The following DNAH6 variants were observed in gnomAD, a reference collection of about 807,000 sequenced individuals.
DNAH6 encodes the protein axonemal beta dynein heavy chain 6.
In DNAH6, 340 loss-of-function variants were observed where a neutral mutation model predicts 491.4. That is an observed-to-expected ratio of 0.69 (90% CI 0.63 to 0.76). DNAH6 has a LOEUF of 0.76. Ranked by LOEUF, DNAH6 falls within the 30% of genes least tolerant of loss-of-function variation. The pLI is 0.00. For synonymous variants in DNAH6, 1,603 were observed against 1,686.1 expected (o/e 0.95, Z 1.21); for missense variants, 4,443 against 4,972.2 (o/e 0.89, Z 3.20).
rs1199073692 is a variant in DNAH6 at position 84,571,218 on chromosome 2, G to A, written c.1804-2249G>A. Among the ~76,000 whole-genome samples, 5 of 152,112 alleles carry A rather than the reference G, an allele frequency of 3.3e-5. 1 individual carries two copies. The highest frequency in any genetic ancestry group is 1.2e-4 in the African/African-American group (5 of 41,398). On this transcript the variant is annotated intron_variant, in intron 11 of 76. Transcript: ENST00000389394. ...TAAATGTAGAAAGAAAACACAATTA[G>A]AAAATTCACTACAGAAGCCATCAGC...
intron 63 of DNAH6, among the ~76,000 whole-genome samples, chr2:84,756,166 C>G (rs1673997421): frequency 6.6e-6 from 1 of 152,138 alleles, no homozygotes; most frequent in African/African-American, 2.4e-5. Flanking sequence ...AGGAAGTTCT[C>G]TTCTATATTC....
In DNAH6 at chr2:84,727,803, C is replaced by G. The variant is rs1469356570; in HGVS notation, c.10107C>G (p.Ile3369Met). 6.4e-6 allele frequency: 10 copies of G among 1,551,648 alleles called. No individual in the cohort carries two copies. In the Admixed American group the frequency reaches 1.8e-4, roughly 27 times the overall value. ...SRGLFEQHKL[I>M]YSFMLCVEMM... ...GACTTTTTGAGCAACATAAACTCAT[C>G]TACAGCTTTATGCTTTGTGTTGAGA... Residue 3369 changes from isoleucine to methionine, a missense_variant, in exon 61 of 77, where the codon ATC becomes ATG. By Grantham distance (10) the Ile-to-Met change is conservative. Around this residue, in one of 3 missense-constraint regions of DNAH6, gnomAD observed 1,463 missense variants for 1,656.6 expected, o/e 0.88. Coordinates refer to ENST00000389394, the MANE Select transcript of DNAH6 (RefSeq NM_001370.2).
rs1363122706 is a variant in DNAH6, at chr2:84,727,823, T to C, written c.10127T>C (p.Val3376Ala). Residue 3376 changes from valine to alanine, a missense_variant, in exon 61 of 77, where the codon GTT becomes GCT. Around this residue, in one of 3 missense-constraint regions of DNAH6, gnomAD observed 1,463 missense variants for 1,656.6 expected, o/e 0.88. Coordinates refer to ENST00000389394, the MANE Select transcript of DNAH6 (RefSeq NM_001370.2). ...HKLIYSFMLC[V>A]EMMRQQGTLS... The stretch of plus-strand genomic sequence containing the variant: ...CTCATCTACAGCTTTATGCTTTGTG[T>C]TGAGATGATGCGTCAGCAAGGAACC... 1 of 1,552,078 alleles carries C rather than the reference T, an allele frequency of 6.4e-7. No homozygotes were observed. The highest frequency in any genetic ancestry group is 8.7e-7 in the Non-Finnish European group (1 of 1,147,014).
intron 73 of DNAH6, 51 bp from the exon 74 acceptor site, chr2:84,813,007 A>G: frequency 1.3e-6 from 2 of 1,487,364 alleles, no homozygotes; most frequent in Non-Finnish European, 1.8e-6. Flanking sequence ...GCTTTAGAAA[A>G]CAAATTCCAT....
chr2:84,681,047 T>C (rs1230365462), intron 41 of DNAH6, among the ~76,000 whole-genome samples: 4 of 151,964 alleles, frequency 2.6e-5, no homozygotes, highest in Non-Finnish European at 5.9e-5. Context: ...TCCAGGTGGG[T>C]TTGTGCCCTT....
At chr2:84,786,219 A>G (rs1441051720) in intron 67 of DNAH6, among the ~76,000 whole-genome samples, 1 of 152,128 alleles carries the variant, frequency 6.6e-6, no homozygotes, top group Non-Finnish European at 1.5e-5. Flanking sequence ...TGAGCCCAGG[A>G]GTTCAAGACC....
chr2:84,607,015 G>T lies in DNAH6; in HGVS notation c.3214G>T (p.Ala1072Ser). 1 of 1,551,332 alleles carries T rather than the reference G, an allele frequency of 6.4e-7. No homozygotes were observed. The highest frequency in any genetic ancestry group is 1.4e-5 in the African/African-American group (1 of 73,136). The stretch of plus-strand genomic sequence containing the variant: ...TAGCACCATCAATGTTGCAACTCTT[G>T]CCTCATCACGTTACCTTGGTCCACT... ...DDSTINVATL[A>S]SSRYLGPLKT... Residue 1072 changes from alanine (A) to serine (S), a missense_variant, in exon 21 of 77, where the codon GCC becomes TCC. Transcript: ENST00000389394.
At chr2:84,550,513 A>T (rs1358240141) in intron 9 of DNAH6, among the ~76,000 whole-genome samples, 1 of 152,178 alleles carries the variant, frequency 6.6e-6, no homozygotes, top group East Asian at 1.9e-4. Flanking sequence ...ATTTCATGTT[A>T]TAATCAAAGC....
chr2:84,544,448 A>G lies in DNAH6; in HGVS notation c.878A>G (p.Lys293Arg). Residue 293 changes from lysine to arginine, a missense_variant, in exon 5 of 77, where the codon AAA becomes AGA. By Grantham distance (26) the Lys-to-Arg change is conservative. Coordinates refer to ENST00000389394, the MANE Select transcript of DNAH6 (RefSeq NM_001370.2). ...SVWRKNVRSKKITGCQKSLQK... is the reference protein window; with the variant it reads ...SVWRKNVRSKRITGCQKSLQK... ...TGGAGGAAGAATGTCCGCTCCAAGA[A>G]AATCACTGGATGTCAAAAATCTCTA... is the stretch of plus-strand genomic sequence containing the variant. 7.2e-6 allele frequency: 11 copies of G among 1,523,262 alleles called. No homozygotes were observed. The highest frequency in any genetic ancestry group is 9.8e-6 in the Non-Finnish European group (11 of 1,121,372). 94.4% of individuals were successfully genotyped at this position (1,523,262 alleles called of 1,614,324 possible).
chr2:84,496,056 A>T, the DNAH6 span, among the ~76,000 whole-genome samples: 15 of 152,200 alleles, frequency 9.9e-5, no homozygotes, highest in African/African-American at 3.6e-4. Flanking sequence ...AGCTGACCAC[A>T]TCTCCTGCTT....
At chr2:84,631,038 G>A (rs775562391) in intron 29 of DNAH6, among the ~76,000 whole-genome samples, 5 of 152,044 alleles carry the variant, frequency 3.3e-5, no homozygotes, top group Non-Finnish European at 7.4e-5. Context: ...TCAATTAATT[G>A]CTACACAATT....
chr2:84,781,968 G>C (rs986224777), intron 65 of DNAH6, among the ~76,000 whole-genome samples: 5 of 152,086 alleles, frequency 3.3e-5, no homozygotes, highest in African/African-American at 1.2e-4. Context: ...GACAAACAAA[G>C]GAAATTAAAT....
chr2:84,595,562 C>T (rs1047544520), intron 17 of DNAH6, 84 bp from the exon 18 acceptor site: 7 of 1,269,390 alleles, frequency 5.5e-6, no homozygotes, highest in Non-Finnish European at 7.4e-6. Flanking sequence ...TTTGGATTAA[C>T]TTTTAAAAGT....
rs1282124680 is a variant in DNAH6 at position 84,640,583 on chromosome 2, G to A, written c.4970+5G>A. On this transcript the variant is annotated splice_donor_5th_base_variant and intron_variant, in intron 32 of 76. Transcript: ENST00000389394. ...GTCTGTCCTGGTCATGGCTGGGTAA[G>A]AAACCAAAGTAGTCAAGAGTGAAAT... The A allele has an allele frequency of 3.2e-6, 5 of 1,542,826 alleles. No homozygotes were observed. Among genetic ancestry groups the A allele is most frequent in the Non-Finnish European group, 4.4e-6 (5 of 1,143,996 alleles).
chr2:84,602,482 C>A (rs1183957240), intron 18 of DNAH6, among the ~76,000 whole-genome samples: 2 of 32,000 alleles, frequency 6.3e-5, no homozygotes, highest in South Asian at 3.4e-3. Context: ...TGTTGTGTCC[C>A]TTTTTTTTTT....
At chr2:84,615,067 G>A (rs1686711597) in intron 22 of DNAH6, among the ~76,000 whole-genome samples, 1 of 151,980 alleles carries the variant, frequency 6.6e-6, no homozygotes, top group African/African-American at 2.4e-5. Context: ...TTGCTTTTGA[G>A]TTTTGGTCGC....
At chr2:84,766,463 G>A (rs1425365119) in intron 64 of DNAH6, among the ~76,000 whole-genome samples, 2 of 152,168 alleles carry the variant, frequency 1.3e-5, no homozygotes. Context: ...ATTTCCGTAA[G>A]TGGAAGTAGA....
chr2:84,645,651 A>G (rs191262196), intron 33 of DNAH6, among the ~76,000 whole-genome samples: 2 of 152,158 alleles, frequency 1.3e-5, no homozygotes, highest in Non-Finnish European at 2.9e-5. Flanking sequence ...TAGATGCTGG[A>G]TATTAGACCT....
At chr2:84,785,962 G>C (rs1677135080) in intron 67 of DNAH6, among the ~76,000 whole-genome samples, 1 of 152,144 alleles carries the variant, frequency 6.6e-6, no homozygotes, top group Non-Finnish European at 1.5e-5. Flanking sequence ...CGTCTGATCT[G>C]CCTACAGAAT....
Sources: allele counts gnomAD v4.1 joint callset (sites outside exome capture counted in the v4.1 genomes callset), GRCh38; gene constraint gnomAD v4.1.1; regional missense constraint gnomAD v4.1.1; transcripts MANE v1.5; gene names NCBI Gene and HGNC (gene_info 2026-07-23, HGNC 2026-07-21).